The following NPC1L1 variants were observed in gnomAD, a reference collection of about 807,000 sequenced individuals.
NPC1L1 encodes the protein NPC1-like intracellular cholesterol transporter 1.
Under a neutral mutation model 117.0 loss-of-function variants are expected in NPC1L1, and 98 were observed. That is an observed-to-expected ratio of 0.84 (90% CI 0.71 to 0.99). The LOEUF is 0.99. Among genes scored for constraint, NPC1L1 ranks in the 50% least tolerant of loss-of-function variants. The pLI is 0.00. For missense variants in NPC1L1, 1,540 were observed against 1,710.0 expected (o/e 0.90, Z 1.75); for synonymous variants, 729 against 727.6 (o/e 1.00, Z -0.03).
In NPC1L1 at chr7:44,536,325, G is replaced by A. The variant is rs547830747; in HGVS notation, c.1785C>T (p.Ala595=). The A allele has an allele frequency of 1.4e-5, 23 of 1,614,248 alleles. No individual in the cohort carries two copies. The South Asian group carries it at 1.4e-4, about 10-fold the overall frequency. ...GGAAGGCTCGCATTTCCTCTAAGAA[G>A]GCCTCCTCCCACAGCTTGGCCTGGG... is the stretch of plus-strand genomic sequence containing the variant. ...RLAQAKLWEE[A]FLEEMRAFQR... Residue 595 remains alanine (A), a synonymous_variant, in exon 4 of 19, where the codon GCC becomes GCT. Transcript: ENST00000381160. This position sits in a 1 kb window ranked among gnomAD's most constrained non-coding sequence, Gnocchi z 4.7.
In NPC1L1 at chr7:44,517,360, G is replaced by A. The variant is rs769423451; in HGVS notation, c.3137-3C>T. On this transcript the variant is annotated splice_region_variant and splice_polypyrimidine_tract_variant and intron_variant, in intron 14 of 18. Coordinates refer to ENST00000381160, the MANE Select transcript of NPC1L1 (RefSeq NM_001101648.2). ...GTGATAGGCCATGAACCTGGAGGCTGGACAGCCATGGCACACAGAAGATGG... is the reference window on the plus strand; with the variant it reads ...GTGATAGGCCATGAACCTGGAGGCTAGACAGCCATGGCACACAGAAGATGG... 6 of 1,610,182 alleles carry A rather than the reference G, an allele frequency of 3.7e-6. No individual in the cohort carries two copies. The highest frequency in any genetic ancestry group is 1.7e-5 in the Admixed American group (1 of 60,020).
Position 44,539,581 on chromosome 7 carries a change from G to C in NPC1L1, c.816C>G (p.Leu272=), listed in dbSNP as rs2072183. ...TCTGGCCCAGGTAGAAGGTGGAGTCGAGGGCCTGGGGGCGGGCTATGGCAG... is the reference window on the plus strand; with the variant it reads ...TCTGGCCCAGGTAGAAGGTGGAGTCCAGGGCCTGGGGGCGGGCTATGGCAG... ...SCPAIARPQA[L]DSTFYLGQMP... The change falls in exon 2 of 19, where the codon CTC becomes CTG. Residue 272 remains leucine, a synonymous_variant. Coordinates refer to ENST00000381160, the MANE Select transcript of NPC1L1 (RefSeq NM_001101648.2). This position sits in a 1 kb window ranked among gnomAD's most constrained non-coding sequence, Gnocchi z 4.4. 375,359 of 1,613,858 alleles carry C rather than the reference G, an allele frequency of 0.23. 45,308 individuals carry two copies. Among genetic ancestry groups the C allele is most frequent in the East Asian group, 0.37 (16,786 of 44,874 alleles).
At position 44,513,050 on chromosome 7, in the gene NPC1L1, T is replaced by C. The variant is rs1489375671; in HGVS notation, c.*397A>G. On this transcript the variant is annotated 3_prime_UTR_variant, in exon 19 of 19. Transcript: ENST00000381160. ...TTGTCTGTGTTCTCAGGGACACTGC[T>C]ACGTGTTAAAGACTTACTGACACAG... 3.1e-6 allele frequency: 1 copy of C among 320,412 alleles called. No individual in the cohort carries two copies. Among genetic ancestry groups the C allele is most frequent in the African/African-American group, 2.2e-5 (1 of 46,488 alleles). 19.8% of individuals were successfully genotyped at this position (320,412 alleles called of 1,614,324 possible).
chr7:44,535,667 C>G (rs1204013149), intron 5 of NPC1L1, among the ~76,000 whole-genome samples, 173 bp downstream of exon 5: 5 of 152,200 alleles, frequency 3.3e-5, no homozygotes, highest in Admixed American at 1.3e-4. Context: ...GAAAATTGCT[C>G]TTGACCTTTC....
In NPC1L1 at chr7:44,539,450, A is replaced by G. The variant is rs1742320995; in HGVS notation, c.947T>C (p.Met316Thr). 2 of 1,614,020 alleles carry G rather than the reference A, an allele frequency of 1.2e-6. No individual in the cohort carries two copies. The highest frequency in any genetic ancestry group is 1.7e-6 in the Non-Finnish European group (2 of 1,179,974). The stretch of plus-strand genomic sequence containing the variant: ...GCTGGTGCCCTTCTTGGGGTCCACC[A>G]TCTTGCTTTTGTCCCTGGCGGGGGC... Reference protein sequence around the residue: ...RVAPARDKSKMVDPKKGTSLS... With the variant: ...RVAPARDKSKTVDPKKGTSLS... The change falls in exon 2 of 19, where the codon ATG becomes ACG. Residue 316 changes from methionine (M) to threonine (T), a missense_variant. Physicochemically the swap from Met to Thr is moderately conservative, Grantham distance 81. This residue lies in a region of NPC1L1 where 793 missense variants were observed against 820.4 expected (regional missense o/e 0.97). Coordinates refer to ENST00000381160, the MANE Select transcript of NPC1L1 (RefSeq NM_001101648.2). This position sits in a 1 kb window ranked among gnomAD's most constrained non-coding sequence, Gnocchi z 4.4.
chr7:44,516,538 C>T (rs149414174), intron 16 of NPC1L1, among the ~76,000 whole-genome samples, 165 bp downstream of exon 16: 2 of 152,010 alleles, frequency 1.3e-5, no homozygotes, highest in East Asian at 1.9e-4. Context: ...CCCAAGGGTT[C>T]GAGGCTACAG....
At chr7:44,516,553 C>T (rs1585126630) in intron 16 of NPC1L1, 150 bp downstream of exon 16, 1 of 734,748 alleles carries the variant, frequency 1.4e-6, no homozygotes, top group East Asian at 2.7e-5. Context: ...CTACAGTGAG[C>T]TGTGATCATG....
intron 10 of NPC1L1, among the ~76,000 whole-genome samples, chr7:44,528,839 T>C (rs544643658): frequency 6.6e-6 from 1 of 151,312 alleles, no homozygotes; most frequent in Non-Finnish European, 1.5e-5. Context: ...GAAGCCGAGG[T>C]GGGTGGATTA....
rs187895887 is a variant in NPC1L1, at chr7:44,516,004, G to A, written c.3634-39C>T. The A allele has an allele frequency of 1.5e-5, 24 of 1,570,680 alleles. No individual in the cohort carries two copies. In the East Asian group the frequency reaches 2.5e-4, roughly 16 times the overall value. On this transcript the variant is annotated intron_variant, in intron 17 of 18. Transcript: ENST00000381160. ...AGCCAGGTGTCAGGCAGGGCACAGG[G>A]CATCAGGCAGGGCACAGGGCATCAG... is the stretch of plus-strand genomic sequence containing the variant.
In NPC1L1 at chr7:44,531,754, C is replaced by T. The variant is rs1201379713; in HGVS notation, c.2637+1G>A. The T allele has an allele frequency of 4.5e-6, 7 of 1,569,404 alleles. No homozygotes were observed. The highest frequency in any genetic ancestry group is 6.0e-6 in the Non-Finnish European group (7 of 1,157,084). On this transcript the variant is annotated splice_donor_variant, in intron 10 of 18. Coordinates refer to ENST00000381160, the MANE Select transcript of NPC1L1 (RefSeq NM_001101648.2). LOFTEE classifies it high-confidence loss of function. ...AAGGGTTGAGAAGGGCCTGGGCTCACCTTGGGCAGGGCCAGCTCCTGGTCC... is the reference window on the plus strand; with the variant it reads ...AAGGGTTGAGAAGGGCCTGGGCTCATCTTGGGCAGGGCCAGCTCCTGGTCC...
At chr7:44,524,183 T>C (rs1801439453) in intron 10 of NPC1L1, among the ~76,000 whole-genome samples, 1 of 151,984 alleles carries the variant, frequency 6.6e-6, no homozygotes, top group Non-Finnish European at 1.5e-5. Flanking sequence ...CAGAGAAAAA[T>C]GCAGTCTCAA....
chr7:44,516,618 C>T (rs1431241916), intron 16 of NPC1L1, 85 bp downstream of exon 16: 2 of 1,148,656 alleles, frequency 1.7e-6, no homozygotes, highest in Non-Finnish European at 2.6e-6. Context: ...AAAAAAGAAA[C>T]AAAAAAGAAC....
intron 10 of NPC1L1, among the ~76,000 whole-genome samples, chr7:44,522,808 C>A (rs973427372): frequency 6.6e-6 from 1 of 152,196 alleles, no homozygotes; most frequent in Non-Finnish European, 1.5e-5. Context: ...TAATTGTACC[C>A]CTTCCTATCA....
chr7:44,530,908 C>A (rs1801676684), intron 10 of NPC1L1, among the ~76,000 whole-genome samples: 1 of 152,252 alleles, frequency 6.6e-6, no homozygotes, highest in Non-Finnish European at 1.5e-5. Context: ...CCGCACCCCA[C>A]TCAGCCCTGT....
At position 44,513,483 on chromosome 7, in the gene NPC1L1, G is replaced by A. The variant is rs1382619133; in HGVS notation, c.3963C>T (p.Ile1321=). ...GCCCATTGTTGGGCAAGAAGTTGCTGATGGCACCAGCACCTTTGATAGAAC... is the reference window on the plus strand; with the variant it reads ...GCCCATTGTTGGGCAAGAAGTTGCTAATGGCACCAGCACCTTTGATAGAAC... The part of the protein sequence containing the change: ...FEGSIKGAGA[I]SNFLPNNGRQ... The change falls in exon 19 of 19, where the codon ATC becomes ATT. Residue 1321 remains isoleucine, a synonymous_variant. Transcript: ENST00000381160. The A allele has an allele frequency of 6.2e-7, 1 of 1,614,098 alleles. No individual in the cohort carries two copies. The highest frequency in any genetic ancestry group is 8.5e-7 in the Non-Finnish European group (1 of 1,180,046).
rs373513670 is a variant in NPC1L1, at chr7:44,515,800, C to T, written c.3796+3G>A. The T allele has an allele frequency of 4.9e-5, 79 of 1,614,002 alleles. No individual in the cohort carries two copies. The highest frequency in any genetic ancestry group is 6.0e-5 in the Non-Finnish European group (71 of 1,180,022). On this transcript the variant is annotated splice_donor_region_variant and intron_variant, in intron 18 of 18. Transcript: ENST00000381160. ...TCTGGTAGGAACAGGCCTGGGCACT[C>T]ACCCACGTAGCTGAGGATGACGGGC...
At chr7:44,517,442 G>A in intron 14 of NPC1L1, 85 bp from the exon 15 acceptor site, 7 of 1,512,466 alleles carry the variant, frequency 4.6e-6, no homozygotes, top group Non-Finnish European at 5.4e-6. Flanking sequence ...AGACGCAGTG[G>A]CACAGGCATG....
Position 44,541,225 on chromosome 7 carries a change from C to G in NPC1L1, c.35G>C (p.Trp12Ser). 2 of 1,549,902 alleles carry G rather than the reference C, an allele frequency of 1.3e-6. No individual in the cohort carries two copies. The highest frequency in any genetic ancestry group is 1.7e-6 in the Non-Finnish European group (2 of 1,146,830). The change falls in exon 1 of 19, where the codon TGG (tryptophan) becomes TCG (serine). Residue 12 changes from tryptophan to serine, a missense_variant. Physicochemically the swap from Trp to Ser is radical, Grantham distance 177. This residue lies in a region of NPC1L1 where 793 missense variants were observed against 820.4 expected (regional missense o/e 0.97). Transcript: ENST00000381160. ...ACTCACCAAGCGCAGGAGCAGGGCCCACAGCAGCCAGCCCCTCAGGCCGGC... is the reference window on the plus strand; with the variant it reads ...ACTCACCAAGCGCAGGAGCAGGGCCGACAGCAGCCAGCCCCTCAGGCCGGC... ...AEAGLRGWLL[W>S]ALLLRLAQSE...
intron 10 of NPC1L1, among the ~76,000 whole-genome samples, chr7:44,527,855 C>T (rs939636057): frequency 3.0e-4 from 45 of 152,264 alleles, no homozygotes; most frequent in African/African-American, 9.9e-4. Flanking sequence ...GACATAGTCT[C>T]GCTCTGTCGC....
Sources: gnomAD v4.1 joint callset for allele counts (sites outside exome capture counted in the v4.1 genomes callset) on GRCh38, gnomAD v4.1.1 for gene constraint, gnomAD v4.1.1 regional missense constraint, Gnocchi (gnomAD v3.1) non-coding constraint, MANE v1.5 for transcripts, NCBI Gene and HGNC (gene_info 2026-07-23, HGNC 2026-07-21) for gene names.